SLC6A3: variants seen among roughly 807,000 people sequenced by gnomAD.
SLC6A3 encodes solute carrier family 6 member 3.
SLC6A3 carries 19 observed loss-of-function variants against 70.4 expected under a neutral mutation model. The observed-to-expected ratio is 0.27, with a 90% CI of 0.19 to 0.40. SLC6A3 has a LOEUF of 0.40. SLC6A3 is among the 10% of genes least tolerant of loss of function. The pLI is 1.00. For missense variants in SLC6A3, 613 were observed against 838.5 expected (o/e 0.73, Z 3.32); for synonymous variants, 368 against 356.6 (o/e 1.03, Z -0.36).
At chr5:1,410,584 G>C (rs1241555206) in intron 9 of SLC6A3, among the ~76,000 whole-genome samples, 1 of 152,180 alleles carries the variant, frequency 6.6e-6, no homozygotes. Context: ...AGCTGGAGGT[G>C]CAGGGGCCAC....
chr5:1,406,139 G>C lies in SLC6A3; in HGVS notation c.1599+49C>G. 1 of 1,368,416 alleles carries C rather than the reference G, an allele frequency of 7.3e-7. No individual in the cohort carries two copies. The highest frequency in any genetic ancestry group is 1.8e-4 in the Middle Eastern group (1 of 5,584). 84.8% of individuals were successfully genotyped at this position (1,368,416 alleles called of 1,614,324 possible). On this transcript the variant is annotated intron_variant, in intron 12 of 14. Coordinates refer to ENST00000270349, the MANE Select transcript of SLC6A3 (RefSeq NM_001044.5). The surrounding 1 kb of genome is among the most constrained non-coding windows in gnomAD (Gnocchi z 8.8). ...TGGACCTCGGGGCAGGTGCCAGAGT[G>C]GGGGCAGTGGGCAGACGGGGGAAGG...
At chr5:1,422,205 A>C (rs2126371566) in intron 4 of SLC6A3, among the ~76,000 whole-genome samples, 191 bp from the exon 5 acceptor site, 1 of 152,330 alleles carries the variant, frequency 6.6e-6, no homozygotes, top group South Asian at 2.1e-4. Flanking sequence ...GCCGCCCTTG[A>C]AACCCGTGGA....
intron 4 of SLC6A3, among the ~76,000 whole-genome samples, chr5:1,432,092 G>T (rs1465551026): frequency 1.3e-5 from 2 of 152,126 alleles, no homozygotes; most frequent in Non-Finnish European, 2.9e-5. Context: ...GCCCAGACAT[G>T]GGGCTGACTC....
At chr5:1,429,619 T>C (rs539594613) in intron 4 of SLC6A3, among the ~76,000 whole-genome samples, 1 of 152,392 alleles carries the variant, frequency 6.6e-6, no homozygotes, top group Admixed American at 6.5e-5. Context: ...TGAGTCAACA[T>C]TTCCCACACT....
chr5:1,400,162 G>T (rs901303027), intron 14 of SLC6A3, among the ~76,000 whole-genome samples: 2 of 152,220 alleles, frequency 1.3e-5, no homozygotes, highest in African/African-American at 4.8e-5. Flanking sequence ...CGGGGCTGAG[G>T]CCACTCTGGG....
intron 10 of SLC6A3, among the ~76,000 whole-genome samples, chr5:1,409,467 A>T (rs901733246): frequency 6.6e-6 from 1 of 152,054 alleles, no homozygotes; most frequent in African/African-American, 2.4e-5. Context: ...CCAGTCCCCA[A>T]ACCCTAGAAG....
intron 3 of SLC6A3, among the ~76,000 whole-genome samples, chr5:1,433,548 T>TGGCCATCCAC (rs1756757855): frequency 6.6e-6 from 1 of 151,628 alleles, no homozygotes; most frequent in South Asian, 2.1e-4. Context: ...CAACCATTCA[T>TGGCCATCCAC]GGCCATCCAC....
intron 4 of SLC6A3, among the ~76,000 whole-genome samples, chr5:1,430,390 C>T (rs1175849212): frequency 1.3e-5 from 2 of 152,206 alleles, no homozygotes; most frequent in Non-Finnish European, 1.5e-5. Flanking sequence ...CGCCCCGGCT[C>T]CTCACCTCCA....
At chr5:1,410,818 A>ATGTATGTG (rs1756098914) in intron 9 of SLC6A3, among the ~76,000 whole-genome samples, 3 of 151,496 alleles carry the variant, frequency 2.0e-5, no homozygotes, top group Non-Finnish European at 4.4e-5. Context: ...GTGTGTGTGC[A>ATGTATGTG]TGCGTGTGTG....
rs1296218492 is a variant in SLC6A3, at chr5:1,406,970, T to G, written c.1499-682A>C. Among the ~76,000 whole-genome samples the G allele has an allele frequency of 6.6e-6, 1 of 152,190 alleles. No homozygotes were observed. ...CCTAAGCTGCGGCCCACATCAGCATTCCCTTTTGTTTTAAGGCCGAATCAT... is the reference window on the plus strand; with the variant it reads ...CCTAAGCTGCGGCCCACATCAGCATGCCCTTTTGTTTTAAGGCCGAATCAT... On this transcript the variant is annotated intron_variant, in intron 11 of 14. Coordinates refer to ENST00000270349, the MANE Select transcript of SLC6A3 (RefSeq NM_001044.5). This position sits in a 1 kb window ranked among gnomAD's most constrained non-coding sequence, Gnocchi z 8.8.
At chr5:1,414,515 G>T (rs977340146) in intron 8 of SLC6A3, among the ~76,000 whole-genome samples, 176 bp downstream of exon 8, 1 of 151,520 alleles carries the variant, frequency 6.6e-6, no homozygotes, top group African/African-American at 2.4e-5. Context: ...GCGCTGGGTG[G>T]GGGCAGGTCT....
Position 1,441,465 on chromosome 5 carries a change from G to T in SLC6A3, c.312C>A (p.Leu104=). 1 of 1,614,216 alleles carries T rather than the reference G, an allele frequency of 6.2e-7. No homozygotes were observed. Residue 104 remains leucine (L), a synonymous_variant, in exon 3 of 15, where the codon CTC becomes CTA. Transcript: ENST00000270349. ...GTGGCATCCCAGCAATGACCATGAA[G>T]AGCAGGTAGGGGACCAGGAAGGCAC... is the stretch of plus-strand genomic sequence containing the variant. ...GGGAFLVPYL[L]FMVIAGMPLF...
chr5:1,416,885 C>T (rs1177043099), intron 6 of SLC6A3, among the ~76,000 whole-genome samples: 1 of 152,226 alleles, frequency 6.6e-6, no homozygotes, highest in Admixed American at 6.5e-5. Context: ...TCCTAACAAC[C>T]CTCGGAACAG....
chr5:1,430,500 A>G (rs1176281015), intron 4 of SLC6A3, among the ~76,000 whole-genome samples: 1 of 152,042 alleles, frequency 6.6e-6, no homozygotes, highest in East Asian at 1.9e-4. Flanking sequence ...GAGAGACCGA[A>G]CGCCTGCCCA....
chr5:1,431,999 T>C (rs1027188738), intron 4 of SLC6A3, among the ~76,000 whole-genome samples: 10 of 152,064 alleles, frequency 6.6e-5, no homozygotes, highest in African/African-American at 2.4e-4. Flanking sequence ...ACCCAGAAAG[T>C]TATCTTTTCT....
In SLC6A3 at chr5:1,411,201, C is replaced by T. The variant is rs1487150744; in HGVS notation, c.1269+42G>A. ...GCAGGGCCCCCTCGGGTGGAAGGAACCCAACTGCCGAGGACAGGGCCGGGC... is the reference window on the plus strand; with the variant it reads ...GCAGGGCCCCCTCGGGTGGAAGGAATCCAACTGCCGAGGACAGGGCCGGGC... On this transcript the variant is annotated intron_variant, in intron 9 of 14. Coordinates refer to ENST00000270349, the MANE Select transcript of SLC6A3 (RefSeq NM_001044.5). The surrounding 1 kb of genome is among the most constrained non-coding windows in gnomAD (Gnocchi z 6.5). 1 of 1,413,348 alleles carries T rather than the reference C, an allele frequency of 7.1e-7. No homozygotes were observed. The highest frequency in any genetic ancestry group is 2.5e-5 in the East Asian group (1 of 40,346). 87.6% of individuals were successfully genotyped at this position (1,413,348 alleles called of 1,614,324 possible).
chr5:1,411,194 G>T lies in SLC6A3; in HGVS notation c.1269+49C>A. ...TGGGAGGGCAGGGCCCCCTCGGGTG[G>T]AAGGAACCCAACTGCCGAGGACAGG... On this transcript the variant is annotated intron_variant, in intron 9 of 14. Coordinates refer to ENST00000270349, the MANE Select transcript of SLC6A3 (RefSeq NM_001044.5). This position sits in a 1 kb window ranked among gnomAD's most constrained non-coding sequence, Gnocchi z 6.5. 7.4e-7 allele frequency: 1 copy of T among 1,345,920 alleles called. No individual in the cohort carries two copies. Among genetic ancestry groups the T allele is most frequent in the Non-Finnish European group, 1.0e-6 (1 of 961,578 alleles). The allele number at this position is 1,345,920 out of a possible 1,614,324, so 83.4% of individuals were successfully genotyped here.
At chr5:1,431,309 A>G (rs1474105444) in intron 4 of SLC6A3, among the ~76,000 whole-genome samples, 1 of 152,248 alleles carries the variant, frequency 6.6e-6, no homozygotes, top group Non-Finnish European at 1.5e-5. Flanking sequence ...ACGGGGCCCA[A>G]AAGGACTTCA....
At chr5:1,429,633 C>T (rs1177195137) in intron 4 of SLC6A3, among the ~76,000 whole-genome samples, 1 of 152,202 alleles carries the variant, frequency 6.6e-6, no homozygotes, top group Non-Finnish European at 1.5e-5. Flanking sequence ...CCACACTGCC[C>T]AAACAAAAGG....
Sources: gnomAD v4.1 joint callset for allele counts (sites outside exome capture counted in the v4.1 genomes callset) on GRCh38, gnomAD v4.1.1 for gene constraint, Gnocchi (gnomAD v3.1) non-coding constraint, MANE v1.5 for transcripts, NCBI Gene and HGNC (gene_info 2026-07-23, HGNC 2026-07-21) for gene names.